The following SNRNP200 variants were observed in gnomAD, a reference collection of about 807,000 sequenced individuals.
SNRNP200 encodes U5 small nuclear ribonucleoprotein 200 kDa helicase.
In SNRNP200, 66 loss-of-function variants were observed where a neutral mutation model predicts 255.2. The ratio of observed to expected loss-of-function variants is 0.26; its 90% CI spans 0.21 to 0.32. The LOEUF is 0.32. Among genes scored for constraint, SNRNP200 ranks in the 10% least tolerant of loss-of-function variants. SNRNP200 has a pLI of 1.00. For synonymous variants in SNRNP200, 939 were observed against 1,027.8 expected (o/e 0.91, Z 1.65); for missense variants, 1,585 against 2,749.8 (o/e 0.58, Z 9.47).
At chr2:96,300,072 G>A (rs1188368541) in intron 5 of SNRNP200, among the ~76,000 whole-genome samples, 1 of 152,100 alleles carries the variant, frequency 6.6e-6, no homozygotes, top group Admixed American at 6.6e-5. Context: ...AGAAGTCTTG[G>A]CTCCTAGTCC....
rs762055119 is a variant in SNRNP200 at position 96,277,729 on chromosome 2, G to C, written c.5755-14C>G. 6.2e-7 allele frequency: 1 copy of C among 1,614,024 alleles called. No homozygotes were observed. The highest frequency in any genetic ancestry group is 8.5e-7 in the Non-Finnish European group (1 of 1,180,038). On this transcript the variant is annotated splice_polypyrimidine_tract_variant and intron_variant, in intron 40 of 44. Transcript: ENST00000323853. This position sits in a 1 kb window ranked among gnomAD's most constrained non-coding sequence, Gnocchi z 4.4. The stretch of plus-strand genomic sequence containing the variant: ...GAGCCGGATTGCCTGAACAGGAAAA[G>C]GAGTATAAAAGTGGGCGGAGTTGGA...
At position 96,287,080 on chromosome 2, in the gene SNRNP200, G is replaced by A. The variant is rs1476565541; in HGVS notation, c.3565C>T (p.His1189Tyr). The A allele has an allele frequency of 3.1e-6, 5 of 1,614,086 alleles. No individual in the cohort carries two copies. The highest frequency in any genetic ancestry group is 4.2e-6 in the Non-Finnish European group (5 of 1,179,934). ...GTGGAGCGTGTGATAGGCTGCAGGT[G>A]CACTGACAACTCCAACTTGGGAAAC... is the stretch of plus-strand genomic sequence containing the variant. ...HLFPKLELSV[H>Y]LQPITRSTLK... Residue 1189 changes from histidine to tyrosine, a missense_variant, in exon 27 of 45, where the codon CAC (histidine) becomes TAC (tyrosine). By Grantham distance (83) the His-to-Tyr change is moderately conservative. Around this residue, in one of 9 missense-constraint regions of SNRNP200, gnomAD observed 719 missense variants for 1,091.1 expected, o/e 0.66. Coordinates refer to ENST00000323853, the MANE Select transcript of SNRNP200 (RefSeq NM_014014.5). The surrounding 1 kb of genome is among the most constrained non-coding windows in gnomAD (Gnocchi z 5.7).
At position 96,274,656 on chromosome 2, in the gene SNRNP200, A is replaced by G. The variant is rs565518509; in HGVS notation, c.*356T>C. The G allele has an allele frequency of 3.1e-5, 11 of 357,784 alleles. No homozygotes were observed. The highest frequency in any genetic ancestry group is 2.3e-4 in the South Asian group (10 of 43,834). The allele number at this position is 357,784 out of a possible 1,614,324, so 22.2% of individuals were successfully genotyped here. Reference sequence around the variant, plus strand: ...TAACAAGCACGTTCCTGGCTAAAAAATAACCAGATCTTTTTGGCCGTGCCC... The same window carrying G: ...TAACAAGCACGTTCCTGGCTAAAAAGTAACCAGATCTTTTTGGCCGTGCCC... On this transcript the variant is annotated 3_prime_UTR_variant, in exon 45 of 45. Coordinates refer to ENST00000323853, the MANE Select transcript of SNRNP200 (RefSeq NM_014014.5).
Position 96,276,948 on chromosome 2 carries a change from C to G in SNRNP200, c.6130G>C (p.Glu2044Gln). The change falls in exon 43 of 45, where the codon GAG becomes CAG. Residue 2044 changes from glutamate (E) to glutamine (Q), a missense_variant. Transcript: ENST00000323853. ...PVVVLVQLER[E>Q]EEVTGPVIAP... ...ATGACAGGGCCTGTGACTTCCTCCTCTCGCTCCAGCTGCACCAGCACCACA... is the reference window on the plus strand; with the variant it reads ...ATGACAGGGCCTGTGACTTCCTCCTGTCGCTCCAGCTGCACCAGCACCACA... 2 of 1,614,064 alleles carry G rather than the reference C, an allele frequency of 1.2e-6. No homozygotes were observed. Among genetic ancestry groups the G allele is most frequent in the African/African-American group, 2.7e-5 (2 of 75,048 alleles).
chr2:96,276,145 G>C (rs1684654483), intron 43 of SNRNP200, among the ~76,000 whole-genome samples: 1 of 152,232 alleles, frequency 6.6e-6, no homozygotes, highest in Admixed American at 6.5e-5. Flanking sequence ...TCAGAGCCTT[G>C]AAACAATTAG....
rs2063983011 is a variant in SNRNP200 at position 96,305,527 on chromosome 2, C to CGACGCAGGAAA, written c.-101_-91dup. 6.4e-7 allele frequency: 1 copy of CGACGCAGGAAA among 1,574,040 alleles called. No homozygotes were observed. The highest frequency in any genetic ancestry group is 1.1e-5 in the South Asian group (1 of 90,212). On this transcript the variant is annotated 5_prime_UTR_variant, in exon 1 of 45. Transcript: ENST00000323853. ...GATCTCTGCTCCCGCCGCGCCGGAA[C>CGACGCAGGAAA]GACGCAGGAAAGACGCACTGGGGAA...
chr2:96,302,985 T>A (rs1055119019), intron 3 of SNRNP200, among the ~76,000 whole-genome samples, 174 bp downstream of exon 3: 2 of 152,124 alleles, frequency 1.3e-5, no homozygotes, highest in African/African-American at 4.8e-5. Flanking sequence ...TATGTAGGCA[T>A]GATTGATTAA....
In SNRNP200 at chr2:96,290,228, G is replaced by T; in HGVS notation, c.2742+98C>A. 1 of 1,339,674 alleles carries T rather than the reference G, an allele frequency of 7.5e-7. No homozygotes were observed. Among genetic ancestry groups the T allele is most frequent in the Non-Finnish European group, 1.1e-6 (1 of 931,968 alleles). 83.0% of individuals were successfully genotyped at this position (1,339,674 alleles called of 1,614,324 possible). On this transcript the variant is annotated intron_variant, in intron 20 of 44. Coordinates refer to ENST00000323853, the MANE Select transcript of SNRNP200 (RefSeq NM_014014.5). The surrounding 1 kb of genome is among the most constrained non-coding windows in gnomAD (Gnocchi z 4.5). The stretch of plus-strand genomic sequence containing the variant: ...TGTGGGTGCAGGGATGGAAGGCCTC[G>T]GACGCTGCTGGCCCGCAGCACAATA...
chr2:96,298,584 G>C lies in SNRNP200; in HGVS notation c.982+19C>G. On this transcript the variant is annotated intron_variant, in intron 8 of 44. Coordinates refer to ENST00000323853, the MANE Select transcript of SNRNP200 (RefSeq NM_014014.5). ...CACATATGTACTCACTCTGCAGGAA[G>C]ACCCCACCATATACTCACTCATCAT... The C allele has an allele frequency of 6.2e-7, 1 of 1,612,094 alleles. No individual in the cohort carries two copies. The highest frequency in any genetic ancestry group is 8.5e-7 in the Non-Finnish European group (1 of 1,178,172).
rs2063822811 is a variant in SNRNP200, at chr2:96,283,661, A to C, written c.4637T>G (p.Val1546Gly). ...QTRLLSMAKP[V>G]YHAITKHSPK... The stretch of plus-strand genomic sequence containing the variant: ...CGAGTGCTTGGTGATAGCATGGTAC[A>C]CAGGCTTGGCCATGGAGAGCAGGCG... The change falls in exon 33 of 45, where the codon GTG (valine) becomes GGG (glycine). Residue 1546 changes from valine (V) to glycine (G), a missense_variant. This residue lies in a region of SNRNP200 where 719 missense variants were observed against 1,091.1 expected (regional missense o/e 0.66). Transcript: ENST00000323853. This position sits in a 1 kb window ranked among gnomAD's most constrained non-coding sequence, Gnocchi z 4.7. The C allele has an allele frequency of 6.2e-7, 1 of 1,614,056 alleles. No individual in the cohort carries two copies. The highest frequency in any genetic ancestry group is 1.1e-5 in the South Asian group (1 of 91,084).
chr2:96,289,654 G>A, intron 21 of SNRNP200, 145 bp downstream of exon 21: 1 of 797,780 alleles, frequency 1.3e-6, no homozygotes, highest in East Asian at 2.6e-5. Flanking sequence ...CTCAAGTTAT[G>A]GGAAAAGCTA....
chr2:96,295,431 C>T, intron 14 of SNRNP200, 57 bp downstream of exon 14: 1 of 1,605,438 alleles, frequency 6.2e-7, no homozygotes, highest in Non-Finnish European at 8.5e-7. Context: ...CATGAAAACC[C>T]AGCAAACCCG....
At position 96,285,352 on chromosome 2, in the gene SNRNP200, CAGAA is replaced by C. The variant is rs1211997251; in HGVS notation, c.4004-16_4004-13del. ...TACAGTGTTAAACACTGGAAACCAA[CAGAA>C]AGAAGCAGTGTAAGTATCAAGAAGG... On this transcript the variant is annotated splice_polypyrimidine_tract_variant and intron_variant, in intron 29 of 44. Coordinates refer to ENST00000323853, the MANE Select transcript of SNRNP200 (RefSeq NM_014014.5). 1 of 1,613,808 alleles carries C rather than the reference CAGAA, an allele frequency of 6.2e-7. No homozygotes were observed. Among genetic ancestry groups the C allele is most frequent in the African/African-American group, 1.3e-5 (1 of 74,932 alleles).
rs768130000 is a variant in SNRNP200, at chr2:96,303,346, T to C, written c.210-16A>G. On this transcript the variant is annotated splice_polypyrimidine_tract_variant and intron_variant, in intron 2 of 44. Coordinates refer to ENST00000323853, the MANE Select transcript of SNRNP200 (RefSeq NM_014014.5). ...CTTTCTTCGCCTAATGGACATGCAA[T>C]GTGATATTGAATGGCAGAACCTTTC... 4.3e-6 allele frequency: 7 copies of C among 1,614,036 alleles called. No individual in the cohort carries two copies. The South Asian group carries it at 5.5e-5, about 13-fold the overall frequency.
At chr2:96,276,750 A>T in intron 43 of SNRNP200, 154 bp downstream of exon 43, 2 of 847,416 alleles carry the variant, frequency 2.4e-6, no homozygotes, top group Non-Finnish European at 4.1e-6. Flanking sequence ...CAAACAGAAA[A>T]AAAACCCCAT....
Position 96,277,987 on chromosome 2 carries a change from G to A in SNRNP200, c.5611-37C>T, listed in dbSNP as rs373503433. 3 of 1,614,152 alleles carry A rather than the reference G, an allele frequency of 1.9e-6. No homozygotes were observed. Among genetic ancestry groups the A allele is most frequent in the Non-Finnish European group, 2.5e-6 (3 of 1,180,020 alleles). On this transcript the variant is annotated intron_variant, in intron 39 of 44. Transcript: ENST00000323853. This position sits in a 1 kb window ranked among gnomAD's most constrained non-coding sequence, Gnocchi z 4.4. ...AAGAAAAATAGCTGGTGATGAACAGGTGACCCTGCCTGAGACCAGCTCAGG... is the reference window on the plus strand; with the variant it reads ...AAGAAAAATAGCTGGTGATGAACAGATGACCCTGCCTGAGACCAGCTCAGG...
chr2:96,296,236 T>C (rs2063915960), intron 13 of SNRNP200, among the ~76,000 whole-genome samples: 1 of 152,210 alleles, frequency 6.6e-6, no homozygotes, highest in African/African-American at 2.4e-5. Flanking sequence ...CCACATCCAT[T>C]TGATGTTTCA....
In SNRNP200 at chr2:96,278,428, C is replaced by T; in HGVS notation, c.5489-70G>A. 1 of 1,612,292 alleles carries T rather than the reference C, an allele frequency of 6.2e-7. No homozygotes were observed. On this transcript the variant is annotated intron_variant, in intron 38 of 44. Coordinates refer to ENST00000323853, the MANE Select transcript of SNRNP200 (RefSeq NM_014014.5). This position sits in a 1 kb window ranked among gnomAD's most constrained non-coding sequence, Gnocchi z 6.9. ...AAGGAGCAGAACTGCCCGGGCTCCC[C>T]TGCTGTCCCCTGCAGTGTCATCCCG... is the stretch of plus-strand genomic sequence containing the variant.
At position 96,274,804 on chromosome 2, in the gene SNRNP200, T is replaced by C. The variant is rs1684626545; in HGVS notation, c.*208A>G. 1.6e-6 allele frequency: 1 copy of C among 615,000 alleles called. No individual in the cohort carries two copies. The highest frequency in any genetic ancestry group is 2.9e-6 in the Non-Finnish European group (1 of 344,488). The allele number at this position is 615,000 out of a possible 1,614,324, so 38.1% of individuals were successfully genotyped here. A position where few individuals can be genotyped will look rare whatever the true frequency, so the allele number is the denominator to read the frequency against. On this transcript the variant is annotated 3_prime_UTR_variant, in exon 45 of 45. Transcript: ENST00000323853. The stretch of plus-strand genomic sequence containing the variant: ...CAGGAACATGCCTGAAAATGCTATA[T>C]ATGATTTATGCTTGACCCATGACAC...
Sources: gnomAD v4.1 joint callset for allele counts (sites outside exome capture counted in the v4.1 genomes callset) on GRCh38, gnomAD v4.1.1 for gene constraint, gnomAD v4.1.1 regional missense constraint, Gnocchi (gnomAD v3.1) non-coding constraint, MANE v1.5 for transcripts, NCBI Gene and HGNC (gene_info 2026-07-23, HGNC 2026-07-21) for gene names.